The following RNF7 variants were observed in gnomAD, a reference collection of about 807,000 sequenced individuals.
The protein encoded by RNF7 is ring finger protein 7.
A neutral mutation model predicts 17.0 loss-of-function variants in RNF7; 9 were observed. The ratio of observed to expected loss-of-function variants is 0.53; its 90% confidence interval spans 0.32 to 0.92. The LOEUF is 0.92. Among genes scored for constraint, RNF7 ranks in the 40% least tolerant of loss-of-function variants. The probability of loss-of-function intolerance (pLI) is 0.04; values close to 1 mark genes in which losing one functional copy is unlikely to be tolerated. For missense variants in RNF7, 87 were observed against 145.8 expected (o/e 0.60, Z 2.08); for synonymous variants, 59 against 50.5 (o/e 1.17, Z -0.72).
chr3:141,744,030 C>G (rs2084446865), intron 2 of RNF7, among the ~76,000 whole-genome samples: 1 of 152,092 alleles, frequency 6.6e-6, no homozygotes, highest in African/African-American at 2.4e-5. Flanking sequence ...TCTTTAGAGT[C>G]TTAGACTACA....
At chr3:141,743,011 A>G (rs931606021) in intron 1 of RNF7, 12 of 611,876 alleles carry the variant, frequency 2.0e-5, no homozygotes, top group Middle Eastern at 8.2e-4. Context: ...GAAGTTATGT[A>G]TATTACCTGG....
intron 1 of RNF7, among the ~76,000 whole-genome samples, chr3:141,742,309 C>T (rs1335228612): frequency 6.6e-6 from 1 of 150,546 alleles, no homozygotes; most frequent in Non-Finnish European, 1.5e-5. Context: ...TCACTGCAAG[C>T]TCTGCCTCCT....
At chr3:141,740,949 A>G (rs1177883371) in intron 1 of RNF7, among the ~76,000 whole-genome samples, 2 of 152,196 alleles carry the variant, frequency 1.3e-5, no homozygotes, top group African/African-American at 2.4e-5. Flanking sequence ...CCATTCTGAT[A>G]TGGATAACAC....
chr3:141,741,521 C>A (rs1285211966), intron 1 of RNF7, among the ~76,000 whole-genome samples: 2 of 152,150 alleles, frequency 1.3e-5, no homozygotes, highest in East Asian at 3.8e-4. Context: ...TTCAACTTAA[C>A]CGTGTTTCTA....
intron 2 of RNF7, among the ~76,000 whole-genome samples, chr3:141,743,872 A>G (rs2084445579): frequency 6.6e-6 from 1 of 152,176 alleles, no homozygotes; most frequent in South Asian, 2.1e-4. Flanking sequence ...CATTATTTGA[A>G]TTTTGGCTAT....
At chr3:141,739,093 G>A (rs964950068) in intron 1 of RNF7, among the ~76,000 whole-genome samples, 2 of 152,210 alleles carry the variant, frequency 1.3e-5, no homozygotes, top group African/African-American at 4.8e-5. Flanking sequence ...GCCGCTCTTC[G>A]AATGGCTTTT....
In RNF7 at chr3:141,744,084, TA is replaced by T. The variant is rs531410166; in HGVS notation, c.223+529del. On this transcript the variant is annotated intron_variant, in intron 2 of 2. Transcript: ENST00000273480. ...ATATTTTAGGCAGTTCAAAGATTTT[TA>T]TGCCCTAGTTCTTGAGGTGATCAAG... Among the ~76,000 whole-genome samples the T allele has an allele frequency of 9.2e-5, 14 of 152,340 alleles. No individual in the cohort carries two copies. The South Asian group carries it at 2.7e-3, about 29-fold the overall frequency.
In RNF7 at chr3:141,740,436, A is replaced by G. The variant is rs564604084; in HGVS notation, c.175+1920A>G. 1.4e-4 allele frequency among the ~76,000 whole-genome samples: 22 copies of G among 152,378 alleles called. No homozygotes were observed. The South Asian group carries it at 3.5e-3, about 24-fold the overall frequency. ...TTACTGAGAGATTTTAATGTAGGTC[A>G]AAGTATAGACTATAAATGACACATT... On this transcript the variant is annotated intron_variant, in intron 1 of 2. Coordinates refer to ENST00000273480, the MANE Select transcript of RNF7 (RefSeq NM_014245.5).
At chr3:141,742,033 G>C (rs1174079046) in intron 1 of RNF7, among the ~76,000 whole-genome samples, 1 of 151,158 alleles carries the variant, frequency 6.6e-6, no homozygotes, top group African/African-American at 2.4e-5. Context: ...CAAGTACAGG[G>C]TTGTTACATA....
At chr3:141,742,896 G>C in intron 1 of RNF7, 5 of 1,090,604 alleles carry the variant, frequency 4.6e-6, no homozygotes, top group Non-Finnish European at 5.6e-6. Flanking sequence ...CTAAAGGAAG[G>C]CTTCTGTGTC....
intron 1 of RNF7, 54 bp downstream of exon 1, chr3:141,738,570 C>T (rs2084381868): frequency 2.0e-6 from 3 of 1,530,632 alleles, no homozygotes; most frequent in South Asian, 1.2e-5. Context: ...GAGCCGACCT[C>T]GGGGTTGGGA....
chr3:141,746,849 T>C lies in RNF7; in HGVS notation c.*1572T>C, dbSNP rs765760377. 3.3e-5 allele frequency: 5 copies of C among 152,254 alleles called. No homozygotes were observed. The highest frequency in any genetic ancestry group is 7.3e-5 in the Non-Finnish European group (5 of 68,032). The allele number at this position is 152,254 out of a possible 1,614,324, so 9.4% of individuals were successfully genotyped here. The stretch of plus-strand genomic sequence containing the variant: ...TCACATTTCTCTGGAAATTTTTCTT[T>C]ATATTTTTTCACAGTTGTCTTTCTA... On this transcript the variant is annotated 3_prime_UTR_variant, in exon 3 of 3. Transcript: ENST00000273480.
intron 1 of RNF7, 27 bp downstream of exon 1, chr3:141,738,543 C>T (rs758998616): frequency 6.6e-5 from 103 of 1,568,140 alleles, no homozygotes; most frequent in Non-Finnish European, 8.1e-5. Flanking sequence ...AGTCCAGGGC[C>T]GCCCTGCGGC....
At position 141,745,498 on chromosome 3, in the gene RNF7, C is replaced by G; in HGVS notation, c.*221C>G. ...AGAAGATAATTTATTAAAGGTGGTC[C>G]TTCCTACCTCTGTGGTGTGTGTCGC... is the stretch of plus-strand genomic sequence containing the variant. On this transcript the variant is annotated 3_prime_UTR_variant, in exon 3 of 3. Transcript: ENST00000273480. The G allele has an allele frequency of 3.0e-6, 1 of 331,332 alleles. No homozygotes were observed. Among genetic ancestry groups the G allele is most frequent in the Non-Finnish European group, 5.7e-6 (1 of 175,340 alleles). 20.5% of individuals were successfully genotyped at this position (331,332 alleles called of 1,614,324 possible).
chr3:141,741,126 C>A (rs933767334), intron 1 of RNF7, among the ~76,000 whole-genome samples: 3 of 152,174 alleles, frequency 2.0e-5, no homozygotes. Flanking sequence ...CTTTTTGGAG[C>A]CTTATTTTCC....
At chr3:141,742,662 G>A (rs1041885777) in intron 1 of RNF7, 50 of 1,149,520 alleles carry the variant, frequency 4.3e-5, no homozygotes, top group Non-Finnish European at 5.2e-5. Context: ...ATTGGAGTTC[G>A]TAATTGGTCC....
chr3:141,745,163 C>A lies in RNF7; in HGVS notation c.228C>A (p.Val76=). ...AENKQEDCVV[V]WGECNHSFHN... ...TCTTCTTTTTCTTTCTTTCAGTGGTCTGGGGAGAATGTAATCATTCCTTCC... is the reference window on the plus strand; with the variant it reads ...TCTTCTTTTTCTTTCTTTCAGTGGTATGGGGAGAATGTAATCATTCCTTCC... The change falls in exon 3 of 3, where the codon GTC becomes GTA. Residue 76 remains valine, a synonymous_variant. Coordinates refer to ENST00000273480, the MANE Select transcript of RNF7 (RefSeq NM_014245.5). 6.2e-7 allele frequency: 1 copy of A among 1,607,268 alleles called. No individual in the cohort carries two copies. The highest frequency in any genetic ancestry group is 1.1e-5 in the South Asian group (1 of 90,778).
At chr3:141,741,777 T>C (rs558192659) in intron 1 of RNF7, among the ~76,000 whole-genome samples, 1 of 151,164 alleles carries the variant, frequency 6.6e-6, no homozygotes, top group East Asian at 2.0e-4. Flanking sequence ...TAGAAGTTAC[T>C]ATAAGCTCAC....
At chr3:141,738,579 G>C in intron 1 of RNF7, 63 bp downstream of exon 1, 1 of 1,500,622 alleles carries the variant, frequency 6.7e-7, no homozygotes, top group South Asian at 1.3e-5. Flanking sequence ...TCGGGGTTGG[G>C]AAGGGACGGG....
Sources: gnomAD v4.1 joint callset for allele counts (sites outside exome capture counted in the v4.1 genomes callset) on GRCh38, gnomAD v4.1.1 for gene constraint, MANE v1.5 for transcripts, NCBI Gene and HGNC (gene_info 2026-07-23, HGNC 2026-07-21) for gene names.